The following CCDC85A variants were observed in gnomAD, a reference collection of about 807,000 sequenced individuals.
The protein encoded by CCDC85A is coiled-coil domain-containing protein 85A.
Under a neutral mutation model 50.2 loss-of-function variants are expected in CCDC85A, and 38 were observed. That is an observed-to-expected ratio of 0.76 (90% CI 0.58 to 0.99). CCDC85A has a LOEUF of 0.99. Among genes scored for constraint, CCDC85A ranks in the 50% least tolerant of loss-of-function variants. CCDC85A has a pLI of 0.00. For missense variants in CCDC85A, 820 were observed against 742.0 expected (o/e 1.11, Z -1.22); for synonymous variants, 366 against 301.4 (o/e 1.21, Z -2.22).
At chr2:56,218,149 G>T (rs1303546550) in intron 2 of CCDC85A, among the ~76,000 whole-genome samples, 1 of 151,830 alleles carries the variant, frequency 6.6e-6, no homozygotes, top group Non-Finnish European at 1.5e-5. Context: ...ATGCTCTTAA[G>T]TAATTTCAGC....
At chr2:56,291,574 G>A (rs1405229159) in intron 2 of CCDC85A, among the ~76,000 whole-genome samples, 4 of 152,114 alleles carry the variant, frequency 2.6e-5, no homozygotes, top group Non-Finnish European at 5.9e-5. Flanking sequence ...TGAAAATTTG[G>A]GAGAAGATCA....
At chr2:56,343,895 G>T (rs1220444554) in intron 3 of CCDC85A, among the ~76,000 whole-genome samples, 1 of 152,148 alleles carries the variant, frequency 6.6e-6, no homozygotes, top group Non-Finnish European at 1.5e-5. Context: ...TTAATGCAAA[G>T]ACCCTTTAGA....
chr2:56,314,998 C>T (rs995304826), intron 2 of CCDC85A, among the ~76,000 whole-genome samples: 2 of 152,094 alleles, frequency 1.3e-5, no homozygotes, highest in Non-Finnish European at 2.9e-5. Context: ...GTCAGCCTCC[C>T]CACATCTGCT....
intron 2 of CCDC85A, among the ~76,000 whole-genome samples, chr2:56,320,943 C>T (rs1383642104): frequency 1.3e-5 from 2 of 152,006 alleles, no homozygotes; most frequent in African/African-American, 2.4e-5. Flanking sequence ...TTATCCACCA[C>T]GATCAAGTGG....
intron 4 of CCDC85A, among the ~76,000 whole-genome samples, chr2:56,372,859 T>C (rs905459768): frequency 3.3e-5 from 5 of 152,194 alleles, no homozygotes; most frequent in African/African-American, 1.2e-4. Context: ...CACTGTGTGA[T>C]CATGTGTAGC....
At chr2:56,272,601 CAG>C (rs1436724657) in intron 2 of CCDC85A, among the ~76,000 whole-genome samples, 2 of 152,080 alleles carry the variant, frequency 1.3e-5, no homozygotes, top group Non-Finnish European at 2.9e-5. Flanking sequence ...TCATATATAG[CAG>C]AGAGTAAAAG....
chr2:56,294,448 T>G (rs561358940), intron 2 of CCDC85A, among the ~76,000 whole-genome samples: 1 of 152,164 alleles, frequency 6.6e-6, no homozygotes, highest in Admixed American at 6.6e-5. Flanking sequence ...TTAAATAAAA[T>G]TTTTAAAAAA....
At chr2:56,232,647 CTG>C (rs1668823298) in intron 2 of CCDC85A, among the ~76,000 whole-genome samples, 1 of 152,132 alleles carries the variant, frequency 6.6e-6, no homozygotes, top group Non-Finnish European at 1.5e-5. Flanking sequence ...CCACACAGAA[CTG>C]TGAGTCAATT....
At chr2:56,190,666 C>T (rs1334863606) in intron 1 of CCDC85A, among the ~76,000 whole-genome samples, 1 of 152,080 alleles carries the variant, frequency 6.6e-6, no homozygotes, top group Non-Finnish European at 1.5e-5. Flanking sequence ...AGGCCTTGCC[C>T]TTTGAGGACC....
intron 2 of CCDC85A, among the ~76,000 whole-genome samples, chr2:56,277,550 A>G (rs1254942825): frequency 6.6e-6 from 1 of 152,204 alleles, no homozygotes; most frequent in Non-Finnish European, 1.5e-5. Context: ...ATAGGTCAGT[A>G]CCCTAACTTT....
intron 3 of CCDC85A, among the ~76,000 whole-genome samples, chr2:56,352,215 A>T (rs1229917729): frequency 6.6e-6 from 1 of 152,252 alleles, no homozygotes; most frequent in African/African-American, 2.4e-5. Context: ...GTAGACAAAT[A>T]TAAATGTAAT....
At chr2:56,257,637 C>G (rs939236114) in intron 2 of CCDC85A, among the ~76,000 whole-genome samples, 2 of 152,142 alleles carry the variant, frequency 1.3e-5, no homozygotes, top group Non-Finnish European at 2.9e-5. Context: ...AATTTTGACA[C>G]TCTTTTGAGT....
At chr2:56,327,856 T>G (rs1164680268) in intron 2 of CCDC85A, among the ~76,000 whole-genome samples, 1 of 151,222 alleles carries the variant, frequency 6.6e-6, no homozygotes, top group Non-Finnish European at 1.5e-5. Context: ...AAAAAAAGAT[T>G]TTAAGCATTG....
chr2:56,183,855 A>G (rs1259585476), upstream of CCDC85A: 2 of 984,790 alleles, frequency 2.0e-6, no homozygotes, highest in African/African-American at 3.5e-5. Context: ...CCCGGGCAGG[A>G]CAGCCGGGAG....
At chr2:56,254,986 G>T (rs982464596) in intron 2 of CCDC85A, among the ~76,000 whole-genome samples, 2 of 152,190 alleles carry the variant, frequency 1.3e-5, no homozygotes, top group Non-Finnish European at 2.9e-5. Flanking sequence ...GAATGATGTA[G>T]CTTGGTGAGG....
At position 56,250,430 on chromosome 2, in the gene CCDC85A, A is replaced by C. The variant is rs186986050; in HGVS notation, c.1240+56990A>C. ...ACTGTCTGCTTGAACATTGTTGAAAAAGTTATTGTACTAGCCTATCAAGGA... is the reference window on the plus strand; with the variant it reads ...ACTGTCTGCTTGAACATTGTTGAAACAGTTATTGTACTAGCCTATCAAGGA... On this transcript the variant is annotated intron_variant, in intron 2 of 5. Transcript: ENST00000407595. Among the ~76,000 whole-genome samples, 3 of 152,268 alleles carry C rather than the reference A, an allele frequency of 2.0e-5. No individual in the cohort carries two copies. The East Asian group carries it at 5.8e-4, about 29-fold the overall frequency.
intron 3 of CCDC85A, among the ~76,000 whole-genome samples, chr2:56,351,965 C>T (rs1011295254): frequency 6.6e-6 from 1 of 152,066 alleles, no homozygotes; most frequent in Admixed American, 6.5e-5. Flanking sequence ...AGGTTTTCTT[C>T]TAGGGTTTTT....
intron 2 of CCDC85A, among the ~76,000 whole-genome samples, chr2:56,238,803 C>G (rs1304840472): frequency 3.3e-5 from 5 of 152,014 alleles, no homozygotes; most frequent in Admixed American, 2.0e-4. Context: ...TAAAACCAGT[C>G]TTATGTATGT....
At chr2:56,312,527 T>A (rs1386346425) in intron 2 of CCDC85A, among the ~76,000 whole-genome samples, 1 of 152,132 alleles carries the variant, frequency 6.6e-6, no homozygotes, top group East Asian at 1.9e-4. Context: ...TTTTGAAGAA[T>A]AACTTTACTA....
Sources: gnomAD v4.1 joint callset for allele counts (sites outside exome capture counted in the v4.1 genomes callset) on GRCh38, gnomAD v4.1.1 for gene constraint, MANE v1.5 for transcripts, NCBI Gene and HGNC (gene_info 2026-07-23, HGNC 2026-07-21) for gene names.